JAZF1: variants seen among roughly 807,000 people sequenced by gnomAD.
JAZF1 encodes the protein JAZF zinc finger 1.
In JAZF1, 8 loss-of-function variants were observed where a neutral mutation model predicts 26.4. The ratio of observed to expected loss-of-function variants is 0.30; its 90% CI spans 0.18 to 0.55. The LOEUF is 0.55. Among genes scored for constraint, JAZF1 ranks in the 20% least tolerant of loss-of-function variants. The pLI is 0.94. For missense variants in JAZF1, 199 were observed against 322.0 expected (o/e 0.62, Z 2.92); for synonymous variants, 126 against 122.3 (o/e 1.03, Z -0.20).
intron 1 of JAZF1, among the ~76,000 whole-genome samples, chr7:28,062,830 C>G (rs1783821714): frequency 6.6e-6 from 1 of 152,134 alleles, no homozygotes; most frequent in Non-Finnish European, 1.5e-5. Context: ...TGTTTAAATT[C>G]CTTTGTGGTT....
intron 3 of JAZF1, among the ~76,000 whole-genome samples, chr7:27,886,052 C>T (rs1295104130): frequency 6.6e-6 from 1 of 152,192 alleles, no homozygotes; most frequent in Non-Finnish European, 1.5e-5. Flanking sequence ...GGCTTATTTA[C>T]TAATGCAGGG....
At chr7:28,164,088 C>T (rs2127952584) in intron 1 of JAZF1, among the ~76,000 whole-genome samples, 1 of 152,344 alleles carries the variant, frequency 6.6e-6, no homozygotes, top group South Asian at 2.1e-4. Context: ...TCCCTACTAG[C>T]TGCTGCCCCT....
At chr7:27,906,388 T>A (rs1784259286) in intron 2 of JAZF1, among the ~76,000 whole-genome samples, 1 of 152,194 alleles carries the variant, frequency 6.6e-6, no homozygotes, top group Non-Finnish European at 1.5e-5. Context: ...GTAGTATCTT[T>A]TCCTAAATTT....
chr7:28,075,619 G>A (rs1429483286), intron 1 of JAZF1, among the ~76,000 whole-genome samples: 2 of 152,124 alleles, frequency 1.3e-5, no homozygotes, highest in Non-Finnish European at 2.9e-5. Context: ...TGTTCTATAA[G>A]TGACTTACTT....
At chr7:28,101,232 T>G (rs1197651650) in intron 1 of JAZF1, among the ~76,000 whole-genome samples, 1 of 152,200 alleles carries the variant, frequency 6.6e-6, no homozygotes, top group African/African-American at 2.4e-5. Flanking sequence ...TCAAACACAA[T>G]CAATCTGATA....
chr7:27,877,540 C>T (rs1783699317), intron 3 of JAZF1, among the ~76,000 whole-genome samples: 1 of 152,276 alleles, frequency 6.6e-6, no homozygotes, highest in Middle Eastern at 3.4e-3. Flanking sequence ...GAAGAAATAA[C>T]TTTCACCTAC....
intron 3 of JAZF1, among the ~76,000 whole-genome samples, chr7:27,844,944 T>C (rs1032530541): frequency 1.3e-5 from 2 of 152,154 alleles, no homozygotes; most frequent in Admixed American, 1.3e-4. Flanking sequence ...GAGTTGGTGG[T>C]CGTTAGGTCC....
At chr7:27,905,896 TGAA>T (rs1269511037) in intron 2 of JAZF1, among the ~76,000 whole-genome samples, 2 of 152,180 alleles carry the variant, frequency 1.3e-5, no homozygotes, top group African/African-American at 4.8e-5. Flanking sequence ...ACTGTTTTGA[TGAA>T]GAAAAGCCAC....
At position 27,991,760 on chromosome 7, in the gene JAZF1, A is replaced by G. The variant is rs2128365355; in HGVS notation, c.188+149T>C. On this transcript the variant is annotated intron_variant, in intron 2 of 4. Coordinates refer to ENST00000283928, the MANE Select transcript of JAZF1 (RefSeq NM_175061.4). Reference sequence around the variant, plus strand: ...AACTTCTCCCTAACAAAGAAACAAGAGCATTCCATATACAGGTTGCTTTTA... The same window carrying G: ...AACTTCTCCCTAACAAAGAAACAAGGGCATTCCATATACAGGTTGCTTTTA... 5.2e-6 allele frequency: 3 copies of G among 572,994 alleles called. No homozygotes were observed. The East Asian group carries it at 8.7e-5, about 17-fold the overall frequency. The allele number at this position is 572,994 out of a possible 1,614,324, so 35.5% of individuals were successfully genotyped here.
chr7:28,162,915 G>C (rs560767656), intron 1 of JAZF1, among the ~76,000 whole-genome samples: 1 of 152,304 alleles, frequency 6.6e-6, no homozygotes, highest in Admixed American at 6.5e-5. Context: ...TCATGGTAGA[G>C]GAAACATCTG....
At chr7:27,986,848 G>A (rs1048024034) in intron 2 of JAZF1, among the ~76,000 whole-genome samples, 2 of 152,116 alleles carry the variant, frequency 1.3e-5, no homozygotes, top group African/African-American at 4.8e-5. Flanking sequence ...GTGGAGACGG[G>A]GTTTCGCCGT....
intron 2 of JAZF1, among the ~76,000 whole-genome samples, chr7:27,928,046 A>C (rs1435325384): frequency 6.6e-6 from 1 of 152,218 alleles, no homozygotes; most frequent in African/African-American, 2.4e-5. Flanking sequence ...TTATTTAATT[A>C]TATATTTACT....
intron 3 of JAZF1, among the ~76,000 whole-genome samples, chr7:27,859,839 G>A (rs1251785221): frequency 1.3e-5 from 2 of 152,148 alleles, no homozygotes. Flanking sequence ...TGCACGTTCT[G>A]CACATGTATA....
intron 2 of JAZF1, among the ~76,000 whole-genome samples, chr7:27,941,350 A>G (rs1016642825): frequency 6.6e-5 from 10 of 152,210 alleles, no homozygotes; most frequent in African/African-American, 2.4e-4. Context: ...AGCACTGTAA[A>G]TATTAAAATC....
intron 1 of JAZF1, among the ~76,000 whole-genome samples, chr7:28,008,534 G>C (rs1782743217): frequency 6.6e-6 from 1 of 152,214 alleles, no homozygotes. Flanking sequence ...GAGAGTCATT[G>C]TCTCTCCAGC....
rs191155922 is a variant in JAZF1, at chr7:27,927,552, G to T, written c.189-32136C>A. ...TATAAAGTACTTATAGTTGTGTCTG[G>T]TATATAGTATTTAACAAGTAGTGAG... is the stretch of plus-strand genomic sequence containing the variant. On this transcript the variant is annotated intron_variant, in intron 2 of 4. Coordinates refer to ENST00000283928, the MANE Select transcript of JAZF1 (RefSeq NM_175061.4). Among the ~76,000 whole-genome samples the T allele has an allele frequency of 4.1e-3, 621 of 152,112 alleles. 9 individuals are homozygous for T. In the South Asian group the frequency reaches 0.059, roughly 14 times the overall value.
At chr7:27,864,542 C>T (rs1015993742) in intron 3 of JAZF1, among the ~76,000 whole-genome samples, 6 of 152,342 alleles carry the variant, frequency 3.9e-5, no homozygotes, top group African/African-American at 1.4e-4. Flanking sequence ...CAGGAGTCCT[C>T]TCCCTGCTGA....
chr7:27,863,345 G>A (rs914291618), intron 3 of JAZF1, among the ~76,000 whole-genome samples: 4 of 152,100 alleles, frequency 2.6e-5, no homozygotes, highest in Admixed American at 6.5e-5. Flanking sequence ...GCCTGTCCCC[G>A]CCACAGGGCC....
chr7:27,897,513 A>G (rs1403586242), intron 2 of JAZF1, among the ~76,000 whole-genome samples: 3 of 122,920 alleles, frequency 2.4e-5, no homozygotes, highest in Admixed American at 8.9e-5. Context: ...GTAACCTGCT[A>G]AAAGAGTGTG....
Sources: gnomAD v4.1 joint callset for allele counts (sites outside exome capture counted in the v4.1 genomes callset) on GRCh38, gnomAD v4.1.1 for gene constraint, MANE v1.5 for transcripts, NCBI Gene and HGNC (gene_info 2026-07-23, HGNC 2026-07-21) for gene names.